Variants in TMEM132D observed in about 807,000 individuals in gnomAD.
The protein encoded by TMEM132D is mature OL transmembrane protein.
In TMEM132D, 21 loss-of-function variants were observed where a neutral mutation model predicts 62.3. The ratio of observed to expected loss-of-function variants is 0.34; its 90% confidence interval spans 0.24 to 0.49. TMEM132D has a LOEUF of 0.49. Ranked by LOEUF, TMEM132D falls within the 20% of genes least tolerant of loss-of-function variation. The probability of loss-of-function intolerance (pLI) is 0.99; values close to 1 mark genes in which losing one functional copy is unlikely to be tolerated. For synonymous variants in TMEM132D, 621 were observed against 575.6 expected (o/e 1.08, Z -1.13); for missense variants, 1,346 against 1,402.8 (o/e 0.96, Z 0.65).
At chr12:129,524,302 C>G (rs367681435) in intron 3 of TMEM132D, among the ~76,000 whole-genome samples, 1 of 151,982 alleles carries the variant, frequency 6.6e-6, no homozygotes, top group Non-Finnish European at 1.5e-5. Flanking sequence ...CCATCTATAC[C>G]TGTATTAACT....
intron 3 of TMEM132D, among the ~76,000 whole-genome samples, chr12:129,467,071 G>T (rs1284584098): frequency 6.6e-6 from 1 of 152,020 alleles, no homozygotes; most frequent in African/African-American, 2.4e-5. Flanking sequence ...TACGTCAAAT[G>T]AATAACAGAA....
At chr12:129,756,956 C>T (rs1445742023) in intron 1 of TMEM132D, among the ~76,000 whole-genome samples, 1 of 152,184 alleles carries the variant, frequency 6.6e-6, no homozygotes, top group Non-Finnish European at 1.5e-5. Context: ...GTCTCCCTCC[C>T]TCTTCCTGTT....
In TMEM132D at chr12:129,499,946, G is replaced by A. The variant is rs141340816; in HGVS notation, c.1115+31113C>T. ...CGGTTACCTCCAATACATACCCTGA[G>A]TGGGGAGGCAATTCACCTGACCTCA... On this transcript the variant is annotated intron_variant, in intron 3 of 8. Coordinates refer to ENST00000422113, the MANE Select transcript of TMEM132D (RefSeq NM_133448.3). Among the ~76,000 whole-genome samples, 1,356 of 151,504 alleles carry A rather than the reference G, an allele frequency of 9.0e-3. 15 individuals carry two copies. Among genetic ancestry groups the A allele is most frequent in the African/African-American group, 0.031 (1,263 of 41,264 alleles).
At chr12:129,127,751 T>A (rs1394109982) in intron 5 of TMEM132D, among the ~76,000 whole-genome samples, 5 of 152,032 alleles carry the variant, frequency 3.3e-5, no homozygotes, top group African/African-American at 1.2e-4. Context: ...AAATGTGAGA[T>A]GCCTGTCTGA....
chr12:129,140,321 T>C (rs1876702454), intron 5 of TMEM132D, among the ~76,000 whole-genome samples: 1 of 152,078 alleles, frequency 6.6e-6, no homozygotes, highest in South Asian at 2.1e-4. Context: ...TGTATCAAAC[T>C]ATCATGTTGC....
intron 3 of TMEM132D, among the ~76,000 whole-genome samples, chr12:129,451,011 C>T (rs1336917295): frequency 6.6e-6 from 1 of 152,090 alleles, no homozygotes; most frequent in Non-Finnish European, 1.5e-5. Flanking sequence ...ATCCACCCTC[C>T]TCAGCCTCCC....
At chr12:129,746,714 C>G (rs1029782240) in intron 1 of TMEM132D, among the ~76,000 whole-genome samples, 1 of 151,964 alleles carries the variant, frequency 6.6e-6, no homozygotes, top group Non-Finnish European at 1.5e-5. Context: ...AGGGTAAAAC[C>G]TTTTATACCC....
chr12:129,635,092 T>C (rs1467397486), intron 2 of TMEM132D, among the ~76,000 whole-genome samples: 3 of 152,250 alleles, frequency 2.0e-5, no homozygotes, highest in African/African-American at 7.2e-5. Context: ...ATAAACATGA[T>C]CATAAAGAAG....
intron 2 of TMEM132D, among the ~76,000 whole-genome samples, chr12:129,548,408 T>C (rs1249849914): frequency 6.6e-6 from 1 of 152,184 alleles, no homozygotes; most frequent in East Asian, 1.9e-4. Flanking sequence ...AATCTATTAA[T>C]GTAATCTGCT....
chr12:129,830,376 C>G (rs1414009824), intron 1 of TMEM132D, among the ~76,000 whole-genome samples: 1 of 152,166 alleles, frequency 6.6e-6, no homozygotes, highest in African/African-American at 2.4e-5. Flanking sequence ...ATGCTGAGAA[C>G]TGCCCAGGAC....
intron 2 of TMEM132D, among the ~76,000 whole-genome samples, chr12:129,554,190 C>T (rs561685437): frequency 1.6e-4 from 25 of 152,282 alleles, no homozygotes; most frequent in African/African-American, 6.0e-4. Context: ...TCTTTGGCCA[C>T]ACCAAGCCAG....
chr12:129,681,052 T>G (rs1039979227), intron 2 of TMEM132D, among the ~76,000 whole-genome samples: 4 of 152,170 alleles, frequency 2.6e-5, no homozygotes, highest in African/African-American at 7.2e-5. Flanking sequence ...AGCTGGGTGA[T>G]GTAGAGAACC....
At chr12:129,105,911 T>C (rs1050032858) in intron 5 of TMEM132D, among the ~76,000 whole-genome samples, 2 of 151,246 alleles carry the variant, frequency 1.3e-5, no homozygotes, top group Non-Finnish European at 1.5e-5. Flanking sequence ...GCCATCCCAT[T>C]ACTGGGTATA....
At chr12:129,877,859 C>T (rs1360071123) in intron 1 of TMEM132D, among the ~76,000 whole-genome samples, 3 of 152,180 alleles carry the variant, frequency 2.0e-5, no homozygotes, top group Non-Finnish European at 2.9e-5. Flanking sequence ...ATGAAATGAT[C>T]TTCAAGCCTG....
chr12:129,258,944 T>C (rs916242942), intron 4 of TMEM132D, among the ~76,000 whole-genome samples: 1 of 152,132 alleles, frequency 6.6e-6, no homozygotes, highest in Non-Finnish European at 1.5e-5. Flanking sequence ...GCATGAGTCA[T>C]TGAGGGAACA....
intron 3 of TMEM132D, among the ~76,000 whole-genome samples, chr12:129,345,081 T>C (rs1029893590): frequency 6.6e-6 from 1 of 152,180 alleles, no homozygotes; most frequent in Admixed American, 6.5e-5. Flanking sequence ...CTGGCTTTGC[T>C]CATCCACTAT....
rs534675533 is a variant in TMEM132D at position 129,554,449 on chromosome 12, T to C, written c.969-23244A>G. ...AGAGAGAAGCGTGCAGCAGAGACACTGAGAGAGAAAGAAAAAGGTGACCCT... is the reference window on the plus strand; with the variant it reads ...AGAGAGAAGCGTGCAGCAGAGACACCGAGAGAGAAAGAAAAAGGTGACCCT... On this transcript the variant is annotated intron_variant, in intron 2 of 8. Transcript: ENST00000422113. Among the ~76,000 whole-genome samples the C allele has an allele frequency of 2.0e-4, 30 of 152,188 alleles. No individual in the cohort carries two copies. In the South Asian group the frequency reaches 6.0e-3, roughly 31 times the overall value.
chr12:129,434,347 T>C (rs1872734972), intron 3 of TMEM132D, among the ~76,000 whole-genome samples: 1 of 152,174 alleles, frequency 6.6e-6, no homozygotes, highest in South Asian at 2.1e-4. Flanking sequence ...GCACAAATTG[T>C]GACTGAATGA....
At chr12:129,368,245 A>ATGTGTGTGTGTGTGTG (rs34221350) in intron 3 of TMEM132D, among the ~76,000 whole-genome samples, 26 of 151,384 alleles carry the variant, frequency 1.7e-4, no homozygotes, top group African/African-American at 6.3e-4. Context: ...CATATGCAAA[A>ATGTGTGTGTGTGTGTG]TGTGTGTGTG....
Sources: allele counts gnomAD v4.1 joint callset (sites outside exome capture counted in the v4.1 genomes callset), GRCh38; gene constraint gnomAD v4.1.1; transcripts MANE v1.5; gene names NCBI Gene and HGNC (gene_info 2026-07-23, HGNC 2026-07-21).